The following UGT1A9 variants were observed in gnomAD, a reference collection of about 807,000 sequenced individuals.
The protein encoded by UGT1A9 is UDP glucuronosyltransferase family 1 member A9, also known as UDP-glucuronosyltransferase 1A9.
UGT1A9 carries 35 observed loss-of-function variants against 45.0 expected under a neutral mutation model. The ratio of observed to expected loss-of-function variants is 0.78; its 90% CI spans 0.59 to 1.03. The LOEUF is 1.03. Among genes scored for constraint, UGT1A9 ranks in the 50% least tolerant of loss-of-function variants. The pLI, the probability that UGT1A9 is intolerant of heterozygous loss-of-function variation, is 0.00. For synonymous variants in UGT1A9, 278 were observed against 250.6 expected (o/e 1.11, Z -1.03); for missense variants, 687 against 666.6 (o/e 1.03, Z -0.34).
chr2:233,672,797 A>C lies in UGT1A9; in HGVS notation c.855+8A>C. The C allele has an allele frequency of 1.2e-6, 2 of 1,612,736 alleles. No homozygotes were observed. Among genetic ancestry groups the C allele is most frequent in the Non-Finnish European group, 8.5e-7 (1 of 1,179,038 alleles). On this transcript the variant is annotated splice_region_variant and intron_variant, in intron 1 of 4. Coordinates refer to ENST00000354728, the MANE Select transcript of UGT1A9 (RefSeq NM_021027.3). The stretch of plus-strand genomic sequence containing the variant: ...GGAAAGCCGTTGCCTATGGTAAGTT[A>C]TCTCTCCTTTAGCACCTTAAGAATA...
chr2:233,690,406 A>T (rs1332144617), intron 1 of UGT1A9: 15 of 1,193,304 alleles, frequency 1.3e-5, no homozygotes, highest in South Asian at 1.3e-5. Flanking sequence ...TATTCCCAAC[A>T]TGAAATTACC....
chr2:233,681,969 C>T (rs1307548052), intron 1 of UGT1A9: 9 of 1,613,970 alleles, frequency 5.6e-6, no homozygotes, highest in East Asian at 4.5e-5. Context: ...GGCCTCCTTC[C>T]CCTATATGTG....
rs573003953 is a variant in UGT1A9 at position 233,701,574 on chromosome 2, A to C, written c.855+28785A>C. Among the ~76,000 whole-genome samples the C allele has an allele frequency of 5.6e-3, 856 of 152,260 alleles. 10 individuals carry two copies. The highest frequency in any genetic ancestry group is 0.02 in the African/African-American group (822 of 41,528). On this transcript the variant is annotated intron_variant, in intron 1 of 4. Coordinates refer to ENST00000354728, the MANE Select transcript of UGT1A9 (RefSeq NM_021027.3). ...CAGCACCACACCACACCTACTCCAA[A>C]ATTGACCACATAGTTGGAAGTAAAG... is the stretch of plus-strand genomic sequence containing the variant.
Position 233,772,514 on chromosome 2 carries a change from GA to G in UGT1A9, c.1554del (p.Arg520GlufsTer22). ...CAYGYRKCLG[K>X]KGRVKKAHKS... ...CTTATGGCTACCGGAAATGCTTGGGGAAAAAAGGGCGAGTTAAGAAAGCCCA... is the reference window on the plus strand; with the variant it reads ...CTTATGGCTACCGGAAATGCTTGGGGAAAAAGGGCGAGTTAAGAAAGCCCA... On this transcript the variant is annotated frameshift_variant, in exon 5 of 5. Coordinates refer to ENST00000354728, the MANE Select transcript of UGT1A9 (RefSeq NM_021027.3). LOFTEE classifies it high-confidence loss of function. 6.2e-7 allele frequency: 1 copy of G among 1,614,126 alleles called. No individual in the cohort carries two copies. Among genetic ancestry groups the G allele is most frequent in the Non-Finnish European group, 8.5e-7 (1 of 1,180,014 alleles).
Position 233,710,873 on chromosome 2 carries a change from A to C in UGT1A9, c.855+38084A>C, listed in dbSNP as rs78642251. ...TGTTTCTATGTTTTTTAAAAAAGTT[A>C]AACAGTTTAAGTTTGTAGGTTTGGG... On this transcript the variant is annotated intron_variant, in intron 1 of 4. Coordinates refer to ENST00000354728, the MANE Select transcript of UGT1A9 (RefSeq NM_021027.3). 4.5e-4 allele frequency among the ~76,000 whole-genome samples: 69 copies of C among 152,350 alleles called. No homozygotes were observed. In the East Asian group the frequency reaches 0.012, roughly 27 times the overall value.
chr2:233,676,926 T>C (rs1348935488), intron 1 of UGT1A9, among the ~76,000 whole-genome samples: 1 of 152,230 alleles, frequency 6.6e-6, no homozygotes, highest in Non-Finnish European at 1.5e-5. Context: ...TTCTGTTCTG[T>C]TGATCTATTT....
intron 1 of UGT1A9, among the ~76,000 whole-genome samples, chr2:233,683,018 A>G (rs1222947231): frequency 6.6e-6 from 1 of 152,170 alleles, no homozygotes; most frequent in Non-Finnish European, 1.5e-5. Context: ...GATCATATCT[A>G]GGCTGCAATC....
chr2:233,682,323 A>G lies in UGT1A9; in HGVS notation c.855+9534A>G, dbSNP rs56385016. ...TTTTCAAATTGCAGGAGTTTGTTTA[A>G]TGACCGAAAATTAGTAGAATACTTA... On this transcript the variant is annotated intron_variant, in intron 1 of 4. Transcript: ENST00000354728. 8.4e-3 allele frequency: 13,601 copies of G among 1,614,124 alleles called. 82 individuals are homozygous for G. Among genetic ancestry groups the G allele is most frequent in the Non-Finnish European group, 9.8e-3 (11,581 of 1,180,010 alleles).
intron 1 of UGT1A9, among the ~76,000 whole-genome samples, chr2:233,684,405 AT>A (rs1009932086): frequency 6.6e-6 from 1 of 152,160 alleles, no homozygotes; most frequent in Non-Finnish European, 1.5e-5. Flanking sequence ...TCACTCAGGT[AT>A]TGCCTGCAGC....
At chr2:233,767,568 T>C (rs1394271023) in intron 2 of UGT1A9, among the ~76,000 whole-genome samples, 2 of 152,252 alleles carry the variant, frequency 1.3e-5, no homozygotes, top group African/African-American at 4.8e-5. Flanking sequence ...CTTGTTTCAT[T>C]AAGCAAACTT....
intron 1 of UGT1A9, chr2:233,719,244 A>C (rs375836466): frequency 1.5e-5 from 24 of 1,614,126 alleles, no homozygotes; most frequent in African/African-American, 6.7e-5. Context: ...CAGGCACCTG[A>C]ATGCTACTTC....
chr2:233,695,757 C>T (rs1051852245), intron 1 of UGT1A9, among the ~76,000 whole-genome samples: 2 of 152,104 alleles, frequency 1.3e-5, no homozygotes, highest in Non-Finnish European at 2.9e-5. Context: ...GGTCTTCATC[C>T]TTTTTTATGG....
chr2:233,754,247 A>G (rs1695429066), intron 1 of UGT1A9: 1 of 170,702 alleles, frequency 5.9e-6, no homozygotes, highest in Admixed American at 5.5e-5. Context: ...CACTTTCCCA[A>G]CGGAAAAAGG....
intron 2 of UGT1A9, 55 bp downstream of exon 2, chr2:233,767,220 C>G (rs1167186563): frequency 6.2e-7 from 1 of 1,611,536 alleles, no homozygotes; most frequent in African/African-American, 1.3e-5. Flanking sequence ...GCGCTAATCC[C>G]AGACTTCCAG....
intron 1 of UGT1A9, among the ~76,000 whole-genome samples, chr2:233,748,384 T>C (rs546137113): frequency 6.6e-6 from 1 of 151,886 alleles, no homozygotes; most frequent in South Asian, 2.1e-4. Context: ...ATGTCCTTCA[T>C]TGGGAAGGAG....
chr2:233,743,180 G>A, intron 1 of UGT1A9: 1 of 369,298 alleles, frequency 2.7e-6, no homozygotes, highest in East Asian at 7.3e-5. Context: ...GTCAAATGTG[G>A]ACTGGAATTA....
chr2:233,769,597 C>T lies in UGT1A9; in HGVS notation c.1295+1158C>T, dbSNP rs772266725. 4 of 1,612,818 alleles carry T rather than the reference C, an allele frequency of 2.5e-6. No individual in the cohort carries two copies. Among genetic ancestry groups the T allele is most frequent in the Non-Finnish European group, 3.4e-6 (4 of 1,179,876 alleles). On this transcript the variant is annotated intron_variant, in intron 4 of 4. Transcript: ENST00000354728. The surrounding 1 kb of genome is among the most constrained non-coding windows in gnomAD (Gnocchi z 4.4). ...CATGTTCAGATGAGAGGAGACGGAACACGGGGACACACCAGCTTGAGCAAG... is the reference window on the plus strand; with the variant it reads ...CATGTTCAGATGAGAGGAGACGGAATACGGGGACACACCAGCTTGAGCAAG...
intron 1 of UGT1A9, chr2:233,681,884 C>G (rs1170971791): frequency 1.0e-5 from 16 of 1,560,728 alleles, no homozygotes; most frequent in African/African-American, 1.4e-5. Flanking sequence ...CTTCCACTTA[C>G]TATATTATAG....
At chr2:233,686,948 T>C (rs1195523937) in intron 1 of UGT1A9, among the ~76,000 whole-genome samples, 1 of 152,166 alleles carries the variant, frequency 6.6e-6, no homozygotes, top group Non-Finnish European at 1.5e-5. Flanking sequence ...AGGGAAGCTG[T>C]CAGTAATTAA....
Sources: gnomAD v4.1 joint callset for allele counts (sites outside exome capture counted in the v4.1 genomes callset) on GRCh38, gnomAD v4.1.1 for gene constraint, Gnocchi (gnomAD v3.1) non-coding constraint, MANE v1.5 for transcripts, NCBI Gene and HGNC (gene_info 2026-07-23, HGNC 2026-07-21) for gene names.